FHOD3: variants seen among roughly 807,000 people sequenced by gnomAD.
FHOD3 encodes FH1/FH2 domain-containing protein 3.
A neutral mutation model predicts 173.0 loss-of-function variants in FHOD3; 90 were observed. The observed-to-expected ratio is 0.52, with a 90% CI of 0.44 to 0.62. The LOEUF is 0.62. FHOD3 is among the 20% of genes least tolerant of loss of function. The pLI is 0.00. For synonymous variants in FHOD3, 828 were observed against 823.0 expected, an observed-to-expected ratio of 1.01 and a Z score of -0.10; for missense variants, 1,945 against 2,034.7, an observed-to-expected ratio of 0.96 and a Z score of 0.85.
chr18:36,760,923 C>A, intron 27 of FHOD3, 141 bp downstream of exon 27: 1 of 820,246 alleles, frequency 1.2e-6, no homozygotes, highest in Non-Finnish European at 1.8e-6. Flanking sequence ...CATTCCCTCA[C>A]TAGCGTCTTC....
chr18:36,397,510 C>A (rs2048609016), intron 3 of FHOD3, among the ~76,000 whole-genome samples: 1 of 152,080 alleles, frequency 6.6e-6, no homozygotes. Context: ...GAGATTCACA[C>A]ACATTTGTAA....
chr18:36,402,643 C>A (rs562376995), intron 3 of FHOD3, among the ~76,000 whole-genome samples: 3 of 151,978 alleles, frequency 2.0e-5, no homozygotes, highest in Admixed American at 2.0e-4. Flanking sequence ...CGACTTTAGT[C>A]CAGTGCTCTT....
intron 1 of FHOD3, among the ~76,000 whole-genome samples, chr18:36,337,684 T>C (rs1034694568): frequency 2.0e-5 from 3 of 152,182 alleles, no homozygotes; most frequent in Non-Finnish European, 2.9e-5. Context: ...AGTTGTAATT[T>C]AGAAATACAT....
At chr18:36,638,978 TATAAC>T (rs1299286135) in intron 10 of FHOD3, among the ~76,000 whole-genome samples, 1 of 152,206 alleles carries the variant, frequency 6.6e-6, no homozygotes, top group Non-Finnish European at 1.5e-5. Context: ...ATTTTTTAGT[TATAAC>T]AGCCAGAACT....
At chr18:36,474,460 T>C (rs918224928) in intron 3 of FHOD3, among the ~76,000 whole-genome samples, 1 of 152,194 alleles carries the variant, frequency 6.6e-6, no homozygotes, top group African/African-American at 2.4e-5. Context: ...TGGGCCATGC[T>C]CTAACAGTTG....
intron 2 of FHOD3, 68 bp from the exon 3 acceptor site, chr18:36,372,612 G>T (rs1460885493): frequency 4.4e-6 from 6 of 1,360,902 alleles, no homozygotes; most frequent in Non-Finnish European, 6.3e-6. Context: ...CCTTCACGTG[G>T]ATTGACAGCA....
intron 10 of FHOD3, among the ~76,000 whole-genome samples, chr18:36,635,011 T>G (rs983883): frequency 0.98 from 148,855 of 152,244 alleles, 72,881 homozygotes; most frequent in East Asian, 1. Flanking sequence ...CACTGACAAG[T>G]GTGGTGACCT....
chr18:36,759,007 T>G (rs1412341869), intron 25 of FHOD3, 111 bp from the exon 26 acceptor site: 28 of 1,224,544 alleles, frequency 2.3e-5, no homozygotes, highest in Non-Finnish European at 3.2e-5. Context: ...GTGACCAGTT[T>G]ATTTACTTGG....
At chr18:36,739,547 A>T (rs1029196817) in intron 20 of FHOD3, among the ~76,000 whole-genome samples, 1 of 152,206 alleles carries the variant, frequency 6.6e-6, no homozygotes, top group African/African-American at 2.4e-5. Context: ...CTATAGATCA[A>T]TTTTGGAAGA....
Position 36,298,004 on chromosome 18 carries a change from C to G in FHOD3, c.165+4C>G. On this transcript the variant is annotated splice_donor_region_variant and intron_variant, in intron 1 of 28. Transcript: ENST00000590592. ...GCTGCTGCAGGCGCCGCACAAGGTA[C>G]GACCCGGCGGGGTGGGCTGGGCCCC... is the stretch of plus-strand genomic sequence containing the variant. 2 of 1,535,288 alleles carry G rather than the reference C, an allele frequency of 1.3e-6. No homozygotes were observed. Among genetic ancestry groups the G allele is most frequent in the Non-Finnish European group, 1.8e-6 (2 of 1,142,440 alleles).
chr18:36,434,261 G>A (rs1441214921), intron 3 of FHOD3, among the ~76,000 whole-genome samples: 1 of 152,186 alleles, frequency 6.6e-6, no homozygotes, highest in East Asian at 1.9e-4. Flanking sequence ...TTTTATGGAT[G>A]AGGTAAGATA....
intron 17 of FHOD3, among the ~76,000 whole-genome samples, chr18:36,707,780 C>T (rs972904039): frequency 1.3e-5 from 2 of 152,182 alleles, no homozygotes; most frequent in East Asian, 1.9e-4. Context: ...CCCTGATCTG[C>T]GTGTTCTCAT....
rs543933426 is a variant in FHOD3, at chr18:36,434,350, G to A, written c.337+61606G>A. On this transcript the variant is annotated intron_variant, in intron 3 of 28. Transcript: ENST00000590592. ...CCTGTTGATTTATATTGGCACGTAG[G>A]TTGAAAATCAGTTGACGGTGTATGT... is the stretch of plus-strand genomic sequence containing the variant. Among the ~76,000 whole-genome samples, 281 of 152,246 alleles carry A rather than the reference G, an allele frequency of 1.8e-3. 4 individuals carry two copies. The highest frequency in any genetic ancestry group is 6.4e-3 in the African/African-American group (264 of 41,552).
At chr18:36,573,183 A>G (rs1190435210) in intron 5 of FHOD3, among the ~76,000 whole-genome samples, 1 of 148,340 alleles carries the variant, frequency 6.7e-6, no homozygotes, top group Non-Finnish European at 1.5e-5. Flanking sequence ...TTACTTTTCC[A>G]TTACAGAAGT....
At chr18:36,686,770 A>C (rs959757160) in intron 15 of FHOD3, among the ~76,000 whole-genome samples, 1 of 152,162 alleles carries the variant, frequency 6.6e-6, no homozygotes, top group East Asian at 1.9e-4. Context: ...ACTGGATGCT[A>C]ATCACCTCCA....
chr18:36,549,939 A>G lies in FHOD3; in HGVS notation c.512-26512A>G, dbSNP rs180759189. Among the ~76,000 whole-genome samples, 427 of 151,738 alleles carry G rather than the reference A, an allele frequency of 2.8e-3. 1 individual carries two copies. In the Middle Eastern group the frequency reaches 0.031, roughly 11 times the overall value. ...AGAAGGTTTTAGTTTTAGGTTTTAA[A>G]TTTATAACTGTGATCTATTTTGAGT... On this transcript the variant is annotated intron_variant, in intron 5 of 28. Coordinates refer to ENST00000590592, the MANE Select transcript of FHOD3 (RefSeq NM_001281740.3).
chr18:36,491,463 T>C (rs2054468175), intron 3 of FHOD3, among the ~76,000 whole-genome samples: 1 of 152,232 alleles, frequency 6.6e-6, no homozygotes, highest in African/African-American at 2.4e-5. Context: ...TTATGGTGTA[T>C]ATTCTATGGG....
chr18:36,420,775 C>T (rs2049945529), intron 3 of FHOD3, among the ~76,000 whole-genome samples: 1 of 152,206 alleles, frequency 6.6e-6, no homozygotes, highest in South Asian at 2.1e-4. Context: ...ATGGTTGATA[C>T]ATTCCTTGCC....
At chr18:36,357,901 A>G (rs1344813287) in intron 2 of FHOD3, among the ~76,000 whole-genome samples, 2 of 152,168 alleles carry the variant, frequency 1.3e-5, no homozygotes, top group Admixed American at 1.3e-4. Context: ...TGATTTGGAG[A>G]TGACAGCTCA....
Sources: allele counts gnomAD v4.1 joint callset (sites outside exome capture counted in the v4.1 genomes callset), GRCh38; gene constraint gnomAD v4.1.1; transcripts MANE v1.5; gene names NCBI Gene and HGNC (gene_info 2026-07-23, HGNC 2026-07-21).